Variants in PCDHGA8 observed in about 807,000 individuals in gnomAD.
The protein encoded by PCDHGA8 is protocadherin gamma-A8.
In PCDHGA8, 45 loss-of-function variants were observed where a neutral mutation model predicts 59.2. The observed-to-expected ratio is 0.76, with a 90% CI of 0.60 to 0.98. The LOEUF (loss-of-function observed/expected upper bound fraction) is 0.98, where lower values mean the gene tolerates loss of function less well. Ranked by LOEUF, PCDHGA8 falls within the 50% of genes least tolerant of loss-of-function variation. PCDHGA8 has a pLI of 0.00. For synonymous variants in PCDHGA8, 531 were observed against 519.0 expected, an observed-to-expected ratio of 1.02 and a Z score of -0.32; for missense variants, 1,257 against 1,196.2, an observed-to-expected ratio of 1.05 and a Z score of -0.75.
At chr5:141,400,339 A>G in intron 1 of PCDHGA8, 1 of 1,613,986 alleles carries the variant, frequency 6.2e-7, no homozygotes. Flanking sequence ...GGTTCCCCCC[A>G]ACTACAGTCA....
chr5:141,484,845 G>T (rs541372844), intron 1 of PCDHGA8, among the ~76,000 whole-genome samples: 10 of 152,076 alleles, frequency 6.6e-5, no homozygotes, highest in Admixed American at 2.6e-4. Flanking sequence ...GATAGGCTGG[G>T]TTTTTTGGGG....
rs766133958 is a variant in PCDHGA8, at chr5:141,403,000, A to G, written c.2424+7763A>G. 27 of 1,613,862 alleles carry G rather than the reference A, an allele frequency of 1.7e-5. No individual in the cohort carries two copies. Among genetic ancestry groups the G allele is most frequent in the Middle Eastern group, 1.6e-4 (1 of 6,082 alleles). ...AGCTCCGCGGAAGATTAGTCCTGCT[A>G]TGCTCGCTCCTGGGGATGCTATGGG... On this transcript the variant is annotated intron_variant, in intron 1 of 3. Transcript: ENST00000398604.
chr5:141,423,150 G>A, intron 1 of PCDHGA8: 1 of 1,613,538 alleles, frequency 6.2e-7, no homozygotes, highest in Non-Finnish European at 8.5e-7. Flanking sequence ...CGCTCAAGCA[G>A]AGCCTCGTGG....
intron 1 of PCDHGA8, chr5:141,419,566 C>G: frequency 3.1e-6 from 5 of 1,611,792 alleles, no homozygotes; most frequent in Non-Finnish European, 2.5e-6. Context: ...CGCTGGGTCC[C>G]GACGGCTCCG....
chr5:141,398,408 A>G (rs2093653088), intron 1 of PCDHGA8: 1 of 1,473,232 alleles, frequency 6.8e-7, no homozygotes, highest in African/African-American at 1.4e-5. Flanking sequence ...GACAGGGAGG[A>G]GATATGCGGG....
Position 141,428,007 on chromosome 5 carries a change from A to T in PCDHGA8, c.2424+32770A>T, listed in dbSNP as rs770851074. 9.4e-6 allele frequency: 15 copies of T among 1,602,018 alleles called. No individual in the cohort carries two copies. In the African/African-American group the frequency reaches 1.5e-4, roughly 16 times the overall value. ...GCCCGATGGCTCCGCACTCTTCGAT[A>T]TAGTGCCACGCGCCGCAGAGTCCGG... On this transcript the variant is annotated intron_variant, in intron 1 of 3. Coordinates refer to ENST00000398604, the MANE Select transcript of PCDHGA8 (RefSeq NM_032088.2).
chr5:141,424,699 G>A (rs185769714), intron 1 of PCDHGA8: 222 of 152,060 alleles, frequency 1.5e-3, no homozygotes, highest in African/African-American at 5.2e-3. Flanking sequence ...CTATTTTTTT[G>A]TTCATTTTCA....
chr5:141,404,917 G>A (rs750464541), intron 1 of PCDHGA8: 37 of 1,613,652 alleles, frequency 2.3e-5, no homozygotes, highest in Middle Eastern at 3.3e-4. Flanking sequence ...CCCCTCTCTC[G>A]GCCACTGTCA....
In PCDHGA8 at chr5:141,432,272, G is replaced by A. The variant is rs772255343; in HGVS notation, c.2424+37035G>A. On this transcript the variant is annotated intron_variant, in intron 1 of 3. Transcript: ENST00000398604. The surrounding 1 kb of genome is among the most constrained non-coding windows in gnomAD (Gnocchi z 6.0). ...CCAAGGGGCAAGCCTATCGTCCTAC[G>A]TGTCCATCAACTCCGACACTGGGGT... 1 of 1,614,210 alleles carries A rather than the reference G, an allele frequency of 6.2e-7. No individual in the cohort carries two copies. Among genetic ancestry groups the A allele is most frequent in the South Asian group, 1.1e-5 (1 of 91,086 alleles).
At chr5:141,423,660 G>A (rs765304048) in intron 1 of PCDHGA8, 1 of 1,560,482 alleles carries the variant, frequency 6.4e-7, no homozygotes, top group Admixed American at 1.9e-5. Flanking sequence ...CAAGTAATCA[G>A]GTGAGATTTA....
rs767521224 is a variant in PCDHGA8 at position 141,431,148 on chromosome 5, C to T, written c.2424+35911C>T. 3.7e-6 allele frequency: 6 copies of T among 1,614,146 alleles called. No homozygotes were observed. Among genetic ancestry groups the T allele is most frequent in the Admixed American group, 1.7e-5 (1 of 60,030 alleles). On this transcript the variant is annotated intron_variant, in intron 1 of 3. Coordinates refer to ENST00000398604, the MANE Select transcript of PCDHGA8 (RefSeq NM_032088.2). The surrounding 1 kb of genome is among the most constrained non-coding windows in gnomAD (Gnocchi z 4.8). Reference sequence around the variant, plus strand: ...GAAGTAAGGGACATTAACGACAATGCGCCTTACTTTCGTGAAAGTGAATTA... The same window carrying T: ...GAAGTAAGGGACATTAACGACAATGTGCCTTACTTTCGTGAAAGTGAATTA...
intron 1 of PCDHGA8, among the ~76,000 whole-genome samples, chr5:141,444,275 G>A (rs1427489988): frequency 7.1e-6 from 1 of 141,698 alleles, no homozygotes; most frequent in Non-Finnish European, 1.5e-5. Flanking sequence ...AGGTTCAAGT[G>A]ATTCTCCTGC....
chr5:141,480,887 A>T (rs2099527301), intron 1 of PCDHGA8, among the ~76,000 whole-genome samples: 1 of 152,146 alleles, frequency 6.6e-6, no homozygotes. Flanking sequence ...TCTACTAAAA[A>T]TGCAAACATT....
At chr5:141,418,357 G>T (rs375883635) in intron 1 of PCDHGA8, 2 of 1,613,864 alleles carry the variant, frequency 1.2e-6, no homozygotes, top group African/African-American at 2.7e-5. Flanking sequence ...GTATGAATTC[G>T]CTGAGCAAAT....
chr5:141,506,666 C>A (rs894880559), intron 3 of PCDHGA8, among the ~76,000 whole-genome samples: 2 of 152,120 alleles, frequency 1.3e-5, no homozygotes, highest in South Asian at 4.1e-4. Context: ...AGAGTAAGGG[C>A]ACAATATATT....
chr5:141,476,553 A>G lies in PCDHGA8; in HGVS notation c.2425-18254A>G. On this transcript the variant is annotated intron_variant, in intron 1 of 3. Coordinates refer to ENST00000398604, the MANE Select transcript of PCDHGA8 (RefSeq NM_032088.2). The surrounding 1 kb of genome is among the most constrained non-coding windows in gnomAD (Gnocchi z 7.6). ...CAGGAAATGAAATTGGAGATTAGCG[A>G]GGCCGTGGCTCCGGGGACGCGCTTT... The G allele has an allele frequency of 1.2e-6, 2 of 1,614,226 alleles. No homozygotes were observed. The highest frequency in any genetic ancestry group is 1.7e-6 in the Non-Finnish European group (2 of 1,180,040).
In PCDHGA8 at chr5:141,432,677, C is replaced by T. The variant is rs1241190176; in HGVS notation, c.2424+37440C>T. On this transcript the variant is annotated intron_variant, in intron 1 of 3. Transcript: ENST00000398604. This position sits in a 1 kb window ranked among gnomAD's most constrained non-coding sequence, Gnocchi z 6.0. ...CCTGCTGGACAGAGACGCGCTCAAGCAGAGCCTCGTAGTGGCCGTCCAGGA... is the reference window on the plus strand; with the variant it reads ...CCTGCTGGACAGAGACGCGCTCAAGTAGAGCCTCGTAGTGGCCGTCCAGGA... The T allele has an allele frequency of 1.2e-6, 2 of 1,613,942 alleles. No individual in the cohort carries two copies. The highest frequency in any genetic ancestry group is 1.1e-5 in the South Asian group (1 of 91,076).
chr5:141,410,080 G>A (rs758499736), intron 1 of PCDHGA8: 2 of 1,612,672 alleles, frequency 1.2e-6, no homozygotes, highest in African/African-American at 2.7e-5. Context: ...CTGGGGAGGT[G>A]CGCACGGCTC....
chr5:141,476,979 G>C lies in PCDHGA8; in HGVS notation c.2425-17828G>C. On this transcript the variant is annotated intron_variant, in intron 1 of 3. Coordinates refer to ENST00000398604, the MANE Select transcript of PCDHGA8 (RefSeq NM_032088.2). The surrounding 1 kb of genome is among the most constrained non-coding windows in gnomAD (Gnocchi z 7.6). Reference sequence around the variant, plus strand: ...ATTTACTCCTTCGGCAGCCACAACCGCGCCGGCGTGCGGCAACTATTCGCC... The same window carrying C: ...ATTTACTCCTTCGGCAGCCACAACCCCGCCGGCGTGCGGCAACTATTCGCC... 1 of 1,614,238 alleles carries C rather than the reference G, an allele frequency of 6.2e-7. No homozygotes were observed. The highest frequency in any genetic ancestry group is 1.3e-5 in the African/African-American group (1 of 75,074).
Sources: gnomAD v4.1 joint callset for allele counts (sites outside exome capture counted in the v4.1 genomes callset) on GRCh38, gnomAD v4.1.1 for gene constraint, Gnocchi (gnomAD v3.1) non-coding constraint, MANE v1.5 for transcripts, NCBI Gene and HGNC (gene_info 2026-07-23, HGNC 2026-07-21) for gene names.